MAP2: variants seen among roughly 807,000 people sequenced by gnomAD.
MAP2 encodes the protein microtubule associated protein 2, also known as microtubule-associated protein 2.
MAP2 carries 14 observed loss-of-function variants against 137.6 expected under a neutral mutation model. The ratio of observed to expected loss-of-function variants is 0.10; its 90% confidence interval spans 0.07 to 0.16. The LOEUF (loss-of-function observed/expected upper bound fraction) is 0.16. Ranked by LOEUF, MAP2 falls within the 10% of genes least tolerant of loss-of-function variation. The pLI is 1.00. For synonymous variants in MAP2, 786 were observed against 782.3 expected, an observed-to-expected ratio of 1.00 and a Z score of -0.08; for missense variants, 2,088 against 2,191.5, an observed-to-expected ratio of 0.95 and a Z score of 0.94.
Position 209,700,273 on chromosome 2 carries a change from A to C in MAP2, c.4523-4A>C. ...TGGGGTTGTTTGTCTTTTATTTTCA[A>C]CAGCAGCAGGTGGGGAATCAGCTCT... On this transcript the variant is annotated splice_polypyrimidine_tract_variant and splice_region_variant and intron_variant, in intron 10 of 15. Transcript: ENST00000682079. The C allele has an allele frequency of 6.2e-7, 1 of 1,612,860 alleles. No homozygotes were observed. Among genetic ancestry groups the C allele is most frequent in the Admixed American group, 1.7e-5 (1 of 59,920 alleles).
intron 2 of MAP2, among the ~76,000 whole-genome samples, chr2:209,565,718 T>G (rs1279160221): frequency 1.3e-5 from 2 of 152,178 alleles, no homozygotes; most frequent in Non-Finnish European, 1.5e-5. Context: ...CCTAAGTTCC[T>G]AAGAAAGTCC....
At chr2:209,425,408 A>G (rs182171661) in intron 1 of MAP2, among the ~76,000 whole-genome samples, 1 of 152,352 alleles carries the variant, frequency 6.6e-6, no homozygotes, top group African/African-American at 2.4e-5. Context: ...GGAAATAGGT[A>G]CTTAAGAGAC....
chr2:209,580,984 A>G (rs960143718), intron 3 of MAP2, among the ~76,000 whole-genome samples: 1 of 152,188 alleles, frequency 6.6e-6, no homozygotes, highest in African/African-American at 2.4e-5. Context: ...CTTGGGATCT[A>G]TGTATAATAT....
rs2060013881 is a variant in MAP2 at position 209,695,759 on chromosome 2, A to T, written c.3589A>T (p.Ile1197Phe). The change falls in exon 8 of 16, where the codon ATT (isoleucine) becomes TTT (phenylalanine). Residue 1197 changes from isoleucine to phenylalanine, a missense_variant. Transcript: ENST00000682079. Reference sequence around the variant, plus strand: ...GAGAGCTGATGTCCAGATGGAATTTATTCAGGGGCCAAAAGAAGAAAGCAA... The same window carrying T: ...GAGAGCTGATGTCCAGATGGAATTTTTTCAGGGGCCAAAAGAAGAAAGCAA... Reference protein sequence around the residue: ...DERADVQMEFIQGPKEESKET... With the variant: ...DERADVQMEFFQGPKEESKET... 3.1e-6 allele frequency: 5 copies of T among 1,613,964 alleles called. No individual in the cohort carries two copies. The highest frequency in any genetic ancestry group is 4.2e-6 in the Non-Finnish European group (5 of 1,179,988).
intron 2 of MAP2, among the ~76,000 whole-genome samples, chr2:209,549,703 C>T (rs76030702): frequency 6.6e-6 from 1 of 152,254 alleles, no homozygotes; most frequent in South Asian, 2.1e-4. Context: ...TTCATGGCAA[C>T]AATCACAAGT....
In MAP2 at chr2:209,637,040, C is replaced by T. The variant is rs373362721; in HGVS notation, c.-30+11911C>T. 2.6e-5 allele frequency among the ~76,000 whole-genome samples: 4 copies of T among 152,124 alleles called. 1 individual carries two copies. The South Asian group carries it at 8.3e-4, about 32-fold the overall frequency. ...TTATACATTAAAAGTCTAAAAATCACAGAATGCCAAATGAAAGCTCAGAAC... is the reference window on the plus strand; with the variant it reads ...TTATACATTAAAAGTCTAAAAATCATAGAATGCCAAATGAAAGCTCAGAAC... On this transcript the variant is annotated intron_variant, in intron 4 of 15. Coordinates refer to ENST00000682079, the MANE Select transcript of MAP2 (RefSeq NM_001375505.1).
chr2:209,653,239 T>A lies in MAP2; in HGVS notation c.69T>A (p.Ser23=). 1 of 1,614,098 alleles carries A rather than the reference T, an allele frequency of 6.2e-7. No individual in the cohort carries two copies. Among genetic ancestry groups the A allele is most frequent in the Non-Finnish European group, 8.5e-7 (1 of 1,179,994 alleles). Residue 23 remains serine, a synonymous_variant, in exon 5 of 16, where the codon TCT becomes TCA. Coordinates refer to ENST00000682079, the MANE Select transcript of MAP2 (RefSeq NM_001375505.1). ...HWTSAPLTEA[S]AHSHPPEIKD... The stretch of plus-strand genomic sequence containing the variant: ...CCTCAGCACCGCTAACAGAGGCATC[T>A]GCACACTCACATCCACCTGAGATTA...
chr2:209,482,599 C>T (rs6761302), intron 1 of MAP2, among the ~76,000 whole-genome samples: 6,482 of 152,176 alleles, frequency 0.043, 232 homozygotes, highest in African/African-American at 0.09. Context: ...CCATTTTATA[C>T]CAAACTTTCT....
At position 209,611,660 on chromosome 2, in the gene MAP2, G is replaced by C. The variant is rs1043990603; in HGVS notation, c.-106-13393G>C. On this transcript the variant is annotated intron_variant, in intron 3 of 15. Coordinates refer to ENST00000682079, the MANE Select transcript of MAP2 (RefSeq NM_001375505.1). ...TCAGGAAAAGAAAGCTTCTTTTAGA[G>C]AGTGGAGTTATATGAGTCCATAACA... 4.6e-5 allele frequency among the ~76,000 whole-genome samples: 7 copies of C among 152,042 alleles called. No homozygotes were observed. The South Asian group carries it at 1.0e-3, about 22-fold the overall frequency.
At chr2:209,542,217 T>G (rs1318548133) in intron 2 of MAP2, among the ~76,000 whole-genome samples, 1 of 152,248 alleles carries the variant, frequency 6.6e-6, no homozygotes, top group Non-Finnish European at 1.5e-5. Context: ...AGCAGTAACC[T>G]TTTAAAAGAA....
At chr2:209,677,879 C>T (rs959429636) in intron 5 of MAP2, among the ~76,000 whole-genome samples, 3 of 151,902 alleles carry the variant, frequency 2.0e-5, no homozygotes, top group Non-Finnish European at 4.4e-5. Flanking sequence ...CATATCATTG[C>T]CATGTATTTC....
intron 2 of MAP2, among the ~76,000 whole-genome samples, chr2:209,564,914 C>G (rs1363362922): frequency 1.3e-5 from 2 of 152,072 alleles, no homozygotes; most frequent in African/African-American, 4.8e-5. Context: ...TTTTTTCACT[C>G]AACAGTTTAG....
intron 3 of MAP2, among the ~76,000 whole-genome samples, chr2:209,587,274 C>T (rs1304499920): frequency 6.6e-6 from 1 of 152,144 alleles, no homozygotes; most frequent in African/African-American, 2.4e-5. Flanking sequence ...TGAGTCTCCA[C>T]ATTCCATCCT....
intron 13 of MAP2, among the ~76,000 whole-genome samples, chr2:209,725,015 T>C (rs1354760995): frequency 1.3e-5 from 2 of 152,208 alleles, no homozygotes; most frequent in Non-Finnish European, 2.9e-5. Context: ...GAATCCCTTG[T>C]TTAAATATGC....
At chr2:209,700,401 C>A in intron 11 of MAP2, 63 bp downstream of exon 11, 1 of 1,265,804 alleles carries the variant, frequency 7.9e-7, no homozygotes, top group Non-Finnish European at 1.1e-6. Context: ...GCTGTAACAT[C>A]AGAATAACTT....
chr2:209,657,969 G>T (rs1189374181), intron 5 of MAP2, among the ~76,000 whole-genome samples: 1 of 152,148 alleles, frequency 6.6e-6, no homozygotes, highest in African/African-American at 2.4e-5. Context: ...GTAATGGCTT[G>T]TAATAATTCT....
intron 13 of MAP2, among the ~76,000 whole-genome samples, chr2:209,724,731 T>C (rs1336171940): frequency 6.6e-6 from 1 of 152,222 alleles, no homozygotes; most frequent in African/African-American, 2.4e-5. Context: ...TATGCTAGGC[T>C]AAGCCTCAGG....
rs370470543 is a variant in MAP2 at position 209,694,187 on chromosome 2, C to A, written c.2017C>A (p.Leu673Ile). Residue 673 changes from leucine to isoleucine, a missense_variant, in exon 8 of 16, where the codon CTC (leucine) becomes ATC (isoleucine). Transcript: ENST00000682079. ...AAAAGTGTATGGAGAGAAAAGGGAC[C>A]TCCACAGTAAGAATAAGGATGATTT... is the stretch of plus-strand genomic sequence containing the variant. ...DPKVYGEKRD[L>I]HSKNKDDLTL... 2.5e-6 allele frequency: 4 copies of A among 1,613,998 alleles called. No homozygotes were observed. The highest frequency in any genetic ancestry group is 3.4e-6 in the Non-Finnish European group (4 of 1,180,014).
chr2:209,671,996 A>G (rs774105787), intron 5 of MAP2, among the ~76,000 whole-genome samples: 51 of 151,936 alleles, frequency 3.4e-4, no homozygotes, highest in Non-Finnish European at 4.6e-4. Flanking sequence ...TCAACCAAGC[A>G]ATATTGATAG....
Sources: allele counts gnomAD v4.1 joint callset (sites outside exome capture counted in the v4.1 genomes callset), GRCh38; gene constraint gnomAD v4.1.1; transcripts MANE v1.5; gene names NCBI Gene and HGNC (gene_info 2026-07-23, HGNC 2026-07-21).